CSTF3: variants seen among roughly 807,000 people sequenced by gnomAD.
CSTF3 encodes cleavage stimulation factor subunit 3, also known as CF-1 77 kDa subunit.
CSTF3 carries 29 observed loss-of-function variants against 105.8 expected under a neutral mutation model. That is an observed-to-expected ratio of 0.27 (90% CI 0.20 to 0.37). The LOEUF (loss-of-function observed/expected upper bound fraction) is 0.37, where lower values mean the gene tolerates loss of function less well. Ranked by LOEUF, CSTF3 falls within the 10% of genes least tolerant of loss-of-function variation. The pLI is 1.00. For synonymous variants in CSTF3, 252 were observed against 281.9 expected (o/e 0.89, Z 1.06); for missense variants, 357 against 879.3 (o/e 0.41, Z 7.51).
chr11:33,125,665 A>T (rs1379373484), intron 3 of CSTF3, among the ~76,000 whole-genome samples: 1 of 152,170 alleles, frequency 6.6e-6, no homozygotes, highest in Non-Finnish European at 1.5e-5. Flanking sequence ...TCCTGAGTGT[A>T]GCTTTTGGAG....
chr11:33,086,943 C>T, intron 18 of CSTF3, 45 bp downstream of exon 18: 1 of 1,612,432 alleles, frequency 6.2e-7, no homozygotes, highest in Non-Finnish European at 8.5e-7. Context: ...TTTAAATCAA[C>T]AAACAAACCA....
chr11:33,106,903 T>C (rs766878391), intron 5 of CSTF3, among the ~76,000 whole-genome samples: 1 of 152,230 alleles, frequency 6.6e-6, no homozygotes, highest in South Asian at 2.1e-4. Flanking sequence ...CTGGAAAGTA[T>C]AGTTTTATTA....
rs1168763143 is a variant in CSTF3, at chr11:33,096,967, T to C, written c.1140A>G (p.Gln380=). The C allele has an allele frequency of 7.5e-6, 12 of 1,598,948 alleles. No individual in the cohort carries two copies. The highest frequency in any genetic ancestry group is 9.4e-6 in the Non-Finnish European group (11 of 1,169,356). The change falls in exon 14 of 21, where the codon CAA becomes CAG. Residue 380 remains glutamine (Q), a synonymous_variant. Transcript: ENST00000323959. Reference sequence around the variant, plus strand: ...CTGCTCTCCGTGCAAATTTCATATATTGGATATATACCTATGCAAAAGAAA... The same window carrying C: ...CTGCTCTCCGTGCAAATTTCATATACTGGATATATACCTATGCAAAAGAAA... ...EDIDPTLVYI[Q]YMKFARRAEG...
At chr11:33,160,557 A>C (rs1240714899) in intron 1 of CSTF3, among the ~76,000 whole-genome samples, 1 of 152,226 alleles carries the variant, frequency 6.6e-6, no homozygotes, top group Non-Finnish European at 1.5e-5. Flanking sequence ...AAAGGTAAAT[A>C]CTATCCTACA....
Position 33,085,744 on chromosome 11 carries a change from C to T in CSTF3, c.1920G>A (p.Met640Ile). Residue 640 changes from methionine (M) to isoleucine (I), a missense_variant, in exon 20 of 21, where the codon ATG (methionine) becomes ATA (isoleucine). Physicochemically the swap from Met to Ile is conservative, Grantham distance 10. Around this residue, in one of 4 missense-constraint regions of CSTF3, gnomAD observed 73 missense variants for 105.8 expected, o/e 0.69. Coordinates refer to ENST00000323959, the MANE Select transcript of CSTF3 (RefSeq NM_001326.3). ...GTATCTTGCATCTTCGGAAAATTTC[C>T]ATCAGTTCATCCACTTGTACAAAAG... ...QGPFVQVDEL[M>I]EIFRRCKIPN... The T allele has an allele frequency of 6.2e-7, 1 of 1,613,840 alleles. No individual in the cohort carries two copies. The highest frequency in any genetic ancestry group is 1.7e-4 in the Middle Eastern group (1 of 6,026).
chr11:33,113,832 G>C (rs1056772114), intron 3 of CSTF3, among the ~76,000 whole-genome samples: 5 of 151,938 alleles, frequency 3.3e-5, no homozygotes, highest in African/African-American at 9.7e-5. Context: ...GAGGTGAATG[G>C]ATCTCTTGAG....
At chr11:33,158,199 T>TA (rs989235736) in intron 1 of CSTF3, among the ~76,000 whole-genome samples, 1 of 152,174 alleles carries the variant, frequency 6.6e-6, no homozygotes, top group Non-Finnish European at 1.5e-5. Flanking sequence ...ATTAAAAAGT[T>TA]AAAGAAAAGG....
At position 33,099,249 on chromosome 11, in the gene CSTF3, C is replaced by A; in HGVS notation, c.937-99G>T. On this transcript the variant is annotated intron_variant, in intron 11 of 20. Coordinates refer to ENST00000323959, the MANE Select transcript of CSTF3 (RefSeq NM_001326.3). The surrounding 1 kb of genome is among the most constrained non-coding windows in gnomAD (Gnocchi z 4.1). ...CATCTACTTTATTTTATTTATGTGT[C>A]TAAGAAAGCATACATGTATGTACAC... is the stretch of plus-strand genomic sequence containing the variant. 2 of 1,390,974 alleles carry A rather than the reference C, an allele frequency of 1.4e-6. No individual in the cohort carries two copies. The highest frequency in any genetic ancestry group is 1.4e-5 in the South Asian group (1 of 73,442). The allele number at this position is 1,390,974 out of a possible 1,614,324, so 86.2% of individuals were successfully genotyped here. A position where few individuals can be genotyped will look rare whatever the true frequency, so the allele number is the denominator to read the frequency against.
At chr11:33,107,539 TC>T (rs1345170640) in intron 5 of CSTF3, among the ~76,000 whole-genome samples, 1 of 152,176 alleles carries the variant, frequency 6.6e-6, no homozygotes, top group Non-Finnish European at 1.5e-5. Context: ...ACTACAAATG[TC>T]AGAGACCCCT....
intron 4 of CSTF3, 37 bp downstream of exon 4, chr11:33,108,347 TAA>T: frequency 7.0e-7 from 1 of 1,425,206 alleles, no homozygotes. Flanking sequence ...GGTTTTAAGT[TAA>T]ACTTCAATAT....
intron 1 of CSTF3, among the ~76,000 whole-genome samples, chr11:33,153,780 A>T (rs1301346711): frequency 1.3e-5 from 2 of 151,654 alleles, no homozygotes; most frequent in Non-Finnish European, 1.5e-5. Context: ...GAAGGGTGTT[A>T]TATTAGGAGC....
intron 3 of CSTF3, among the ~76,000 whole-genome samples, chr11:33,134,969 G>C (rs1855637498): frequency 6.6e-6 from 1 of 152,074 alleles, no homozygotes; most frequent in African/African-American, 2.4e-5. Flanking sequence ...TAAATACCAA[G>C]ATGTGGCACT....
chr11:33,124,536 A>G (rs1855524267), intron 3 of CSTF3, among the ~76,000 whole-genome samples: 1 of 152,096 alleles, frequency 6.6e-6, no homozygotes, highest in Non-Finnish European at 1.5e-5. Context: ...TAAAACTCAT[A>G]ATCATTTTTG....
chr11:33,158,011 G>T (rs544412388), intron 1 of CSTF3, among the ~76,000 whole-genome samples: 2 of 152,100 alleles, frequency 1.3e-5, no homozygotes, highest in South Asian at 4.1e-4. Flanking sequence ...CATCCTTAAG[G>T]TGTTATTTAA....
Position 33,153,712 on chromosome 11 carries a change from CA to C in CSTF3, c.27+7586del, listed in dbSNP as rs35247715. Among the ~76,000 whole-genome samples the C allele has an allele frequency of 2.6e-3, 312 of 121,770 alleles. 1 individual carries two copies. Among genetic ancestry groups the C allele is most frequent in the African/African-American group, 8.6e-3 (237 of 27,702 alleles). 79.9% of individuals were successfully genotyped at this position (121,770 alleles called of 152,430 possible). A position where few individuals can be genotyped will look rare whatever the true frequency, so the allele number is the denominator to read the frequency against. On this transcript the variant is annotated intron_variant, in intron 1 of 20. Coordinates refer to ENST00000323959, the MANE Select transcript of CSTF3 (RefSeq NM_001326.3). ...ATTTCGACCATGCAGGTAAAACAGA[CA>C]AAAAAAAAAAAAAAGATAATTCTCT... is the stretch of plus-strand genomic sequence containing the variant.
At chr11:33,157,431 A>G (rs892457832) in intron 1 of CSTF3, among the ~76,000 whole-genome samples, 3 of 152,166 alleles carry the variant, frequency 2.0e-5, no homozygotes, top group Non-Finnish European at 4.4e-5. Context: ...CAGAAATCAT[A>G]TGTTTGTTAG....
intron 17 of CSTF3, among the ~76,000 whole-genome samples, chr11:33,088,870 A>G (rs1156576193): frequency 1.3e-5 from 2 of 152,024 alleles, no homozygotes; most frequent in African/African-American, 4.8e-5. Flanking sequence ...CGCCTGCCTC[A>G]GCCTCCCAAA....
At chr11:33,157,242 C>G (rs1849878547) in intron 1 of CSTF3, among the ~76,000 whole-genome samples, 1 of 152,106 alleles carries the variant, frequency 6.6e-6, no homozygotes, top group African/African-American at 2.4e-5. Context: ...GTAATCCCAG[C>G]TACTCAAGAG....
rs138299918 is a variant in CSTF3, at chr11:33,126,303, C to T, written c.225+15364G>A. 9.0e-3 allele frequency among the ~76,000 whole-genome samples: 1,365 copies of T among 151,930 alleles called. 5 individuals carry two copies. Among genetic ancestry groups the T allele is most frequent in the Non-Finnish European group, 0.013 (884 of 67,962 alleles). ...GACCTTGTCTCTACAATTAATCAGGCGTGGTGGCCTGCAACTGTGGTCTTG... is the reference window on the plus strand; with the variant it reads ...GACCTTGTCTCTACAATTAATCAGGTGTGGTGGCCTGCAACTGTGGTCTTG... On this transcript the variant is annotated intron_variant, in intron 3 of 20. Transcript: ENST00000323959.
Sources: allele counts gnomAD v4.1 joint callset (sites outside exome capture counted in the v4.1 genomes callset), GRCh38; gene constraint gnomAD v4.1.1; regional missense constraint gnomAD v4.1.1; non-coding constraint Gnocchi (gnomAD v3.1); transcripts MANE v1.5; gene names NCBI Gene and HGNC (gene_info 2026-07-23, HGNC 2026-07-21).